Variants in PTPRK observed in about 807,000 individuals in gnomAD.
PTPRK encodes receptor-type tyrosine-protein phosphatase kappa.
In PTPRK, 75 loss-of-function variants were observed where a neutral mutation model predicts 178.0. The ratio of observed to expected loss-of-function variants is 0.42; its 90% confidence interval spans 0.35 to 0.51. The LOEUF is 0.51. PTPRK is among the 20% of genes least tolerant of loss of function. PTPRK has a pLI of 0.02. For missense variants in PTPRK, 1,441 were observed against 1,797.8 expected, an observed-to-expected ratio of 0.80 and a Z score of 3.59; for synonymous variants, 637 against 620.6, an observed-to-expected ratio of 1.03 and a Z score of -0.39.
At chr6:128,505,958 C>A (rs2128440147) in intron 1 of PTPRK, among the ~76,000 whole-genome samples, 1 of 152,254 alleles carries the variant, frequency 6.6e-6, no homozygotes, top group Admixed American at 6.5e-5. Flanking sequence ...GAAACTACCT[C>A]ATTGTTTTGT....
At chr6:128,343,918 G>A (rs1478472256) in intron 2 of PTPRK, among the ~76,000 whole-genome samples, 1 of 152,114 alleles carries the variant, frequency 6.6e-6, no homozygotes, top group African/African-American at 2.4e-5. Flanking sequence ...TGAACTCTGG[G>A]GTCAGATCAA....
chr6:128,273,582 G>C (rs999777347), intron 3 of PTPRK, among the ~76,000 whole-genome samples: 1 of 152,064 alleles, frequency 6.6e-6, no homozygotes, highest in African/African-American at 2.4e-5. Flanking sequence ...AACTCCATCA[G>C]ACATACAGTC....
chr6:127,972,662 G>T (rs1774063770), intron 29 of PTPRK, among the ~76,000 whole-genome samples: 1 of 152,066 alleles, frequency 6.6e-6, no homozygotes, highest in Non-Finnish European at 1.5e-5. Context: ...GGGTGTCTAA[G>T]GTACTGATGA....
At chr6:128,277,824 GC>G (rs1462912225) in intron 3 of PTPRK, among the ~76,000 whole-genome samples, 1 of 150,820 alleles carries the variant, frequency 6.6e-6, no homozygotes. Context: ...GAAGTACCTG[GC>G]CCATCTGAGG....
At chr6:128,262,458 A>G (rs1248695083) in intron 3 of PTPRK, among the ~76,000 whole-genome samples, 5 of 152,134 alleles carry the variant, frequency 3.3e-5, no homozygotes, top group Non-Finnish European at 7.4e-5. Flanking sequence ...TATTTTAAAG[A>G]GTGTTCGACT....
chr6:128,217,943 G>A (rs553921865), intron 6 of PTPRK, among the ~76,000 whole-genome samples: 2 of 152,292 alleles, frequency 1.3e-5, no homozygotes, highest in Non-Finnish European at 2.9e-5. Flanking sequence ...AATATTGATT[G>A]ATGCTTGATA....
chr6:128,053,879 G>GA (rs200053925), intron 13 of PTPRK, among the ~76,000 whole-genome samples: 1,522 of 151,756 alleles, frequency 0.01, 29 homozygotes, highest in African/African-American at 0.034. Context: ...AATTTTTAAG[G>GA]AAAAAAAGGG....
At chr6:128,380,379 T>C (rs545602623) in intron 2 of PTPRK, among the ~76,000 whole-genome samples, 29 of 152,130 alleles carry the variant, frequency 1.9e-4, no homozygotes, top group Admixed American at 8.5e-4. Context: ...AAGTGGGAGT[T>C]TTGTTTCCCC....
intron 13 of PTPRK, among the ~76,000 whole-genome samples, chr6:128,055,172 T>C (rs116046063): frequency 0.012 from 1,820 of 152,292 alleles, 43 homozygotes; most frequent in African/African-American, 0.042. Flanking sequence ...TTTAGAAAAC[T>C]GAAAAGTTAC....
intron 6 of PTPRK, among the ~76,000 whole-genome samples, chr6:128,194,896 T>A (rs1423369246): frequency 6.6e-6 from 1 of 152,126 alleles, no homozygotes; most frequent in Non-Finnish European, 1.5e-5. Context: ...ACTATCCACA[T>A]TCATTTCATA....
intron 1 of PTPRK, among the ~76,000 whole-genome samples, chr6:128,490,508 C>A (rs1404487477): frequency 6.6e-6 from 1 of 152,166 alleles, no homozygotes; most frequent in Non-Finnish European, 1.5e-5. Flanking sequence ...GGTCATACCG[C>A]CCAGGCCCCA....
intron 13 of PTPRK, among the ~76,000 whole-genome samples, chr6:128,043,859 A>T (rs946542348): frequency 7.2e-5 from 11 of 151,822 alleles, no homozygotes; most frequent in African/African-American, 2.7e-4. Context: ...AATTTAAGGG[A>T]CCATATTTTT....
At chr6:128,397,543 T>C (rs759455931) in intron 2 of PTPRK, 23 bp downstream of exon 2, 1 of 1,613,178 alleles carries the variant, frequency 6.2e-7, no homozygotes, top group South Asian at 1.1e-5. Context: ...CCCCCAACAC[T>C]GACTAAACAG....
At chr6:128,146,278 C>T (rs1796471948) in intron 7 of PTPRK, among the ~76,000 whole-genome samples, 1 of 152,210 alleles carries the variant, frequency 6.6e-6, no homozygotes, top group East Asian at 1.9e-4. Context: ...CTCATTTATA[C>T]TAACATGATC....
intron 10 of PTPRK, among the ~76,000 whole-genome samples, chr6:128,080,908 G>A (rs1784699340): frequency 6.6e-6 from 1 of 151,934 alleles, no homozygotes; most frequent in Non-Finnish European, 1.5e-5. Context: ...GTTAATACAA[G>A]TAAAAGTGAA....
chr6:128,280,122 G>A (rs529021366), intron 3 of PTPRK, among the ~76,000 whole-genome samples: 1 of 152,216 alleles, frequency 6.6e-6, no homozygotes, highest in Non-Finnish European at 1.5e-5. Context: ...TGAAAACACA[G>A]CTTGAGTTAA....
chr6:128,241,701 T>C (rs1814481009), intron 4 of PTPRK, among the ~76,000 whole-genome samples: 1 of 152,136 alleles, frequency 6.6e-6, no homozygotes, highest in Admixed American at 6.5e-5. Flanking sequence ...AGGTACACCA[T>C]CTGAAAACCA....
chr6:128,256,612 A>G (rs933619297), intron 3 of PTPRK, among the ~76,000 whole-genome samples: 3 of 151,638 alleles, frequency 2.0e-5, no homozygotes. Context: ...TAATTTTTGT[A>G]TTTTTAGTAG....
intron 1 of PTPRK, among the ~76,000 whole-genome samples, chr6:128,501,689 TA>T (rs1319598897): frequency 3.9e-5 from 6 of 152,336 alleles, no homozygotes; most frequent in Admixed American, 3.9e-4. Context: ...TCCACTTTTC[TA>T]ACACTGATAG....
Sources: allele counts gnomAD v4.1 joint callset (sites outside exome capture counted in the v4.1 genomes callset), GRCh38; gene constraint gnomAD v4.1.1; transcripts MANE v1.5; gene names NCBI Gene and HGNC (gene_info 2026-07-23, HGNC 2026-07-21).